SNTG1: variants seen among roughly 807,000 people sequenced by gnomAD.
SNTG1 encodes the protein syntrophin gamma 1.
Under a neutral mutation model 74.7 loss-of-function variants are expected in SNTG1, and 39 were observed. The observed-to-expected ratio is 0.52, with a 90% confidence interval of 0.40 to 0.68. SNTG1 has a LOEUF of 0.68. Among genes scored for constraint, SNTG1 ranks in the 30% least tolerant of loss-of-function variants. SNTG1 has a pLI of 0.00. For synonymous variants in SNTG1, 254 were observed against 217.1 expected (o/e 1.17, Z -1.49); for missense variants, 685 against 609.5 (o/e 1.12, Z -1.30).
intron 12 of SNTG1, among the ~76,000 whole-genome samples, chr8:50,585,820 T>C (rs146316097): frequency 9.1e-4 from 139 of 152,322 alleles, no homozygotes; most frequent in Middle Eastern, 3.4e-3. Flanking sequence ...TTTAATTTGC[T>C]TTATTGATAT....
intron 18 of SNTG1, among the ~76,000 whole-genome samples, chr8:50,752,443 T>C (rs2095569889): frequency 6.6e-6 from 1 of 151,994 alleles, no homozygotes; most frequent in Non-Finnish European, 1.5e-5. Context: ...TAAAATACTT[T>C]GTAAAAATCT....
At chr8:50,220,045 A>G (rs1431634816) in intron 2 of SNTG1, among the ~76,000 whole-genome samples, 1 of 152,164 alleles carries the variant, frequency 6.6e-6, no homozygotes, top group East Asian at 1.9e-4. Context: ...CTACAAGGAG[A>G]AATTGACATA....
chr8:50,721,000 T>C (rs2095486395), intron 17 of SNTG1, among the ~76,000 whole-genome samples: 1 of 152,226 alleles, frequency 6.6e-6, no homozygotes, highest in South Asian at 2.1e-4. Context: ...TCATGAATAA[T>C]TGGACCTGAA....
chr8:50,112,222 T>C (rs1314564056), intron 1 of SNTG1, among the ~76,000 whole-genome samples: 1 of 152,136 alleles, frequency 6.6e-6, no homozygotes, highest in African/African-American at 2.4e-5. Context: ...GTAATCACCC[T>C]AATTATAATT....
rs568105855 is a variant in SNTG1, at chr8:50,334,190, C to T, written c.-27-60022C>T. Among the ~76,000 whole-genome samples the T allele has an allele frequency of 3.3e-5, 5 of 152,294 alleles. No individual in the cohort carries two copies. The East Asian group carries it at 9.7e-4, about 29-fold the overall frequency. ...GGGATTACAGGCCTGAGCCACCGCG[C>T]CTGGCCAGGAGCACATTTTTCTAAA... On this transcript the variant is annotated intron_variant, in intron 2 of 18. Transcript: ENST00000642720.
intron 1 of SNTG1, among the ~76,000 whole-genome samples, chr8:50,122,701 G>A (rs938199491): frequency 7.1e-6 from 1 of 141,486 alleles, no homozygotes; most frequent in Non-Finnish European, 1.6e-5. Flanking sequence ...GATAGTAATG[G>A]GGACAAGAGG....
chr8:49,943,097 T>C (rs1447487701), intron 1 of SNTG1, among the ~76,000 whole-genome samples: 1 of 152,218 alleles, frequency 6.6e-6, no homozygotes, highest in Non-Finnish European at 1.5e-5. Context: ...CATAATGCAA[T>C]ACTCCTTTAT....
chr8:50,617,567 A>C (rs887518540), intron 13 of SNTG1, among the ~76,000 whole-genome samples: 2 of 152,218 alleles, frequency 1.3e-5, no homozygotes, highest in African/African-American at 4.8e-5. Context: ...AAAACTCCTC[A>C]GACACCAAGT....
intron 9 of SNTG1, among the ~76,000 whole-genome samples, chr8:50,528,978 T>G (rs1432924108): frequency 6.6e-6 from 1 of 151,850 alleles, no homozygotes; most frequent in Non-Finnish European, 1.5e-5. Flanking sequence ...CCTCCATTCT[T>G]AAGTTCTTAA....
chr8:50,367,472 A>AT (rs778806616), intron 2 of SNTG1, among the ~76,000 whole-genome samples: 4 of 152,200 alleles, frequency 2.6e-5, no homozygotes, highest in Non-Finnish European at 4.4e-5. Flanking sequence ...AAAATTTATT[A>AT]TTTTTTATTT....
At chr8:50,106,123 A>C (rs2080360517) in intron 1 of SNTG1, among the ~76,000 whole-genome samples, 1 of 152,152 alleles carries the variant, frequency 6.6e-6, no homozygotes, top group African/African-American at 2.4e-5. Flanking sequence ...ATCTATGAAG[A>C]AAAGAATTTA....
intron 1 of SNTG1, among the ~76,000 whole-genome samples, chr8:49,967,126 A>G (rs1811214987): frequency 6.6e-6 from 1 of 152,238 alleles, no homozygotes; most frequent in Non-Finnish European, 1.5e-5. Context: ...TATCATCCTC[A>G]TAACAGTCCT....
intron 15 of SNTG1, among the ~76,000 whole-genome samples, chr8:50,664,682 C>T (rs150738615): frequency 6.6e-6 from 1 of 152,148 alleles, no homozygotes; most frequent in African/African-American, 2.4e-5. Context: ...ACCAATGGAA[C>T]TTAGATCTCA....
At chr8:50,289,643 A>G (rs1485969394) in intron 2 of SNTG1, among the ~76,000 whole-genome samples, 3 of 152,150 alleles carry the variant, frequency 2.0e-5, no homozygotes, top group African/African-American at 7.2e-5. Context: ...TGGACTGGAA[A>G]TTTTGTCTGT....
At chr8:49,964,424 G>A (rs1810964028) in intron 1 of SNTG1, among the ~76,000 whole-genome samples, 1 of 152,190 alleles carries the variant, frequency 6.6e-6, no homozygotes, top group Admixed American at 6.5e-5. Flanking sequence ...CAATCCCAAT[G>A]TTTCTCTAGT....
At chr8:50,512,259 C>G (rs140945153) in intron 9 of SNTG1, among the ~76,000 whole-genome samples, 3,700 of 151,868 alleles carry the variant, frequency 0.024, 141 homozygotes, top group African/African-American at 0.082. Context: ...TCTCTTCTGG[C>G]TTGCAGAGTT....
rs568927495 is a variant in SNTG1 at position 49,983,132 on chromosome 8, T to C, written c.-103+70901T>C. Among the ~76,000 whole-genome samples the C allele has an allele frequency of 6.6e-5, 10 of 152,342 alleles. No individual in the cohort carries two copies. In the East Asian group the frequency reaches 1.9e-3, roughly 29 times the overall value. ...ATGGACCGTAAAACCTCAAGTGTTATGCCATAGTTATGCAATCATTTTGAT... is the reference window on the plus strand; with the variant it reads ...ATGGACCGTAAAACCTCAAGTGTTACGCCATAGTTATGCAATCATTTTGAT... On this transcript the variant is annotated intron_variant, in intron 1 of 18. Transcript: ENST00000642720.
chr8:49,944,271 C>T (rs1808956455), intron 1 of SNTG1, among the ~76,000 whole-genome samples: 1 of 151,940 alleles, frequency 6.6e-6, no homozygotes, highest in Non-Finnish European at 1.5e-5. Flanking sequence ...TTATAGAGCT[C>T]TGTAGGCTGT....
chr8:50,135,437 T>C (rs973380377), intron 1 of SNTG1, among the ~76,000 whole-genome samples: 1 of 152,202 alleles, frequency 6.6e-6, no homozygotes, highest in Non-Finnish European at 1.5e-5. Context: ...ATTTGAATTG[T>C]TATTATTTCT....
Sources: gnomAD v4.1 joint callset for allele counts (sites outside exome capture counted in the v4.1 genomes callset) on GRCh38, gnomAD v4.1.1 for gene constraint, MANE v1.5 for transcripts, NCBI Gene and HGNC (gene_info 2026-07-23, HGNC 2026-07-21) for gene names.